The following VEGFA variants were observed in gnomAD, a reference collection of about 807,000 sequenced individuals.
VEGFA encodes vascular endothelial growth factor A, long form.
In VEGFA, 20 loss-of-function variants were observed where a neutral mutation model predicts 49.7. The observed-to-expected ratio is 0.40, with a 90% CI of 0.28 to 0.58. VEGFA has a LOEUF of 0.58. Among genes scored for constraint, VEGFA ranks in the 20% least tolerant of loss-of-function variants. The pLI is 0.40. For synonymous variants in VEGFA, 219 were observed against 223.4 expected, an observed-to-expected ratio of 0.98 and a Z score of 0.18; for missense variants, 505 against 553.5, an observed-to-expected ratio of 0.91 and a Z score of 0.88.
intron 1 of VEGFA, chr6:43,771,971 G>A (rs1167906308): frequency 1.0e-6 from 1 of 982,256 alleles, no homozygotes; most frequent in Non-Finnish European, 1.2e-6. Flanking sequence ...GCGCGGCGCG[G>A]AGCCGATTAC....
At chr6:43,782,485 G>T (rs1435168720) in intron 7 of VEGFA, 8 of 329,136 alleles carry the variant, frequency 2.4e-5, no homozygotes, top group South Asian at 2.0e-4. Flanking sequence ...TGTGGACAAT[G>T]TCAACAAAGC....
chr6:43,774,747 A>G, intron 2 of VEGFA: 1 of 437,072 alleles, frequency 2.3e-6, no homozygotes, highest in Non-Finnish European at 4.3e-6. Flanking sequence ...GTGGACATTT[A>G]GTGTCATTTC....
Position 43,782,108 on chromosome 6 carries a change from C to G in VEGFA, c.1166+21C>G, listed in dbSNP as rs781217984. On this transcript the variant is annotated intron_variant, in intron 7 of 7. Transcript: ENST00000672860. ...TGCAGGTTGGTTCCCAGAGGGCAAG[C>G]AAGTCAGAGAGGGGCATCACACAGA... The G allele has an allele frequency of 2.5e-6, 4 of 1,612,156 alleles. No homozygotes were observed. The South Asian group carries it at 4.4e-5, about 18-fold the overall frequency.
chr6:43,780,997 C>T, intron 6 of VEGFA, 194 bp downstream of exon 6: 2 of 1,412,572 alleles, frequency 1.4e-6, no homozygotes, highest in Non-Finnish European at 9.8e-7. Flanking sequence ...GGTGGCATTG[C>T]TGGTCCAGGG....
In VEGFA at chr6:43,777,748, TG is replaced by T; in HGVS notation, c.855+85del. The T allele has an allele frequency of 1.4e-6, 2 of 1,422,956 alleles. No individual in the cohort carries two copies. Among genetic ancestry groups the T allele is most frequent in the Non-Finnish European group, 1.9e-6 (2 of 1,052,080 alleles). The allele number at this position is 1,422,956 out of a possible 1,614,324, so 88.1% of individuals were successfully genotyped here. ...GAACAGGTGGTCCCAGGTCGTTTCC[TG>T]GCTAGATTTGCCTTGTCTGGCTCCT... is the stretch of plus-strand genomic sequence containing the variant. On this transcript the variant is annotated intron_variant, in intron 3 of 7. Transcript: ENST00000672860. This position sits in a 1 kb window ranked among gnomAD's most constrained non-coding sequence, Gnocchi z 4.3.
At chr6:43,779,226 C>T (rs1377508214) in intron 5 of VEGFA, 2 of 528,246 alleles carry the variant, frequency 3.8e-6, no homozygotes, top group African/African-American at 3.8e-5. Context: ...GACACTGGCT[C>T]ACTGGCTTGC....
In VEGFA at chr6:43,780,981, T is replaced by C. The variant is rs1582521118; in HGVS notation, c.1034+178T>C. The C allele has an allele frequency of 6.0e-6, 9 of 1,502,230 alleles. No individual in the cohort carries two copies. In the East Asian group the frequency reaches 1.8e-4, roughly 31 times the overall value. 93.1% of individuals were successfully genotyped at this position (1,502,230 alleles called of 1,614,324 possible). A position where few individuals can be genotyped will look rare whatever the true frequency, so the allele number is the denominator to read the frequency against. ...CCACTAATTGGCACCAACGGGTAGA[T>C]TTGGTGGTGGCATTGCTGGTCCAGG... On this transcript the variant is annotated intron_variant, in intron 6 of 7. Coordinates refer to ENST00000672860, the MANE Select transcript of VEGFA (RefSeq NM_003376.6).
Position 43,777,469 on chromosome 6 carries a change from T to C in VEGFA, c.659T>C (p.Val220Ala), listed in dbSNP as rs763677053. ...TCATGTGTCATCGCCTCTCATGCAG[T>C]GGTGAAGTTCATGGATGTCTATCAG... The change falls in exon 3 of 8, where the codon GTG (valine) becomes GCG (alanine). Residue 220 changes from valine to alanine, a missense_variant and splice_region_variant. Physicochemically the swap from Val to Ala is moderately conservative, Grantham distance 64. Coordinates refer to ENST00000672860, the MANE Select transcript of VEGFA (RefSeq NM_003376.6). The surrounding 1 kb of genome is among the most constrained non-coding windows in gnomAD (Gnocchi z 4.3). 1.7e-5 allele frequency: 27 copies of C among 1,613,790 alleles called. No individual in the cohort carries two copies. The highest frequency in any genetic ancestry group is 2.1e-5 in the Non-Finnish European group (25 of 1,180,030).
chr6:43,782,225 C>T, intron 7 of VEGFA, 138 bp downstream of exon 7: 2 of 1,306,832 alleles, frequency 1.5e-6, no homozygotes, highest in Non-Finnish European at 2.1e-6. Context: ...TTCTAGCTGC[C>T]TGCCTGGTGA....
intron 5 of VEGFA, 179 bp from the exon 6 acceptor site, chr6:43,780,553 A>G (rs1767169403): frequency 1.3e-6 from 1 of 790,316 alleles, no homozygotes; most frequent in East Asian, 2.7e-5. Flanking sequence ...CTGCCCAGAC[A>G]CGCCTGTGTG....
At position 43,773,995 on chromosome 6, in the gene VEGFA, G is replaced by A. The variant is rs1764463607; in HGVS notation, c.607-346G>A. On this transcript the variant is annotated intron_variant, in intron 1 of 7. Coordinates refer to ENST00000672860, the MANE Select transcript of VEGFA (RefSeq NM_003376.6). The surrounding 1 kb of genome is among the most constrained non-coding windows in gnomAD (Gnocchi z 5.6). The stretch of plus-strand genomic sequence containing the variant: ...AATACTTACCATGGCTTTGGACCAG[G>A]GAACTAGGGGGATAGTGAGAGCAGG... 2.5e-6 allele frequency: 1 copy of A among 395,102 alleles called. No individual in the cohort carries two copies. Among genetic ancestry groups the A allele is most frequent in the Non-Finnish European group, 4.8e-6 (1 of 209,126 alleles). 24.5% of individuals were successfully genotyped at this position (395,102 alleles called of 1,614,324 possible). A position where few individuals can be genotyped will look rare whatever the true frequency, so the allele number is the denominator to read the frequency against.
intron 6 of VEGFA, 79 bp from the exon 7 acceptor site, chr6:43,781,877 G>C: frequency 4.4e-6 from 7 of 1,582,034 alleles, no homozygotes; most frequent in Non-Finnish European, 6.0e-6. Flanking sequence ...GACATGTTAG[G>C]GGGTGTTGCA....
chr6:43,784,072 C>T (rs903539988), intron 7 of VEGFA: 4 of 223,774 alleles, frequency 1.8e-5, no homozygotes, highest in South Asian at 6.8e-5. Flanking sequence ...CTGCCTCAGG[C>T]GTTCTCCCAG....
rs776522854 is a variant in VEGFA, at chr6:43,782,012, C to T, written c.1091C>T (p.Thr364Met). 8 of 1,614,084 alleles carry T rather than the reference C, an allele frequency of 5.0e-6. No homozygotes were observed. Among genetic ancestry groups the T allele is most frequent in the Middle Eastern group, 1.6e-4 (1 of 6,062 alleles). ...CATTTGTTTGTACAAGATCCGCAGA[C>T]GTGTAAATGTTCCTGCAAAAACACA... The change falls in exon 7 of 8, where the codon ACG becomes ATG. Residue 364 changes from threonine (T) to methionine (M), a missense_variant. Thr to Met is a moderately conservative substitution (Grantham distance 81). Coordinates refer to ENST00000672860, the MANE Select transcript of VEGFA (RefSeq NM_003376.6).
chr6:43,786,093 T>C lies in VEGFA; in HGVS notation c.*1531T>C, dbSNP rs181069410. 4.4e-5 allele frequency: 8 copies of C among 180,644 alleles called. No homozygotes were observed. Among genetic ancestry groups the C allele is most frequent in the African/African-American group, 1.6e-4 (7 of 42,504 alleles). The allele number at this position is 180,644 out of a possible 1,614,324, so 11.2% of individuals were successfully genotyped here. A position where few individuals can be genotyped will look rare whatever the true frequency, so the allele number is the denominator to read the frequency against. On this transcript the variant is annotated 3_prime_UTR_variant, in exon 8 of 8. Coordinates refer to ENST00000672860, the MANE Select transcript of VEGFA (RefSeq NM_003376.6). Reference sequence around the variant, plus strand: ...GCACACATTCCTTTGAAATAAGGTTTCAATATACATCTACATACTATATAT... The same window carrying C: ...GCACACATTCCTTTGAAATAAGGTTCCAATATACATCTACATACTATATAT...
In VEGFA at chr6:43,786,143, G is replaced by GTA. The variant is rs34241255; in HGVS notation, c.*1597_*1598dup. The GTA allele has an allele frequency of 0.01, 1,785 of 170,496 alleles. 15 individuals are homozygous for GTA. Among genetic ancestry groups the GTA allele is most frequent in the African/African-American group, 0.025 (1,016 of 40,964 alleles). 10.6% of individuals were successfully genotyped at this position (170,496 alleles called of 1,614,324 possible). Reference sequence around the variant, plus strand: ...TATATTTGGCAACTTGTATTTGTGTGTATATATATATATATATGTTTATGT... The same window carrying GTA: ...TATATTTGGCAACTTGTATTTGTGTGTATATATATATATATATATGTTTATGT... On this transcript the variant is annotated 3_prime_UTR_variant, in exon 8 of 8. Coordinates refer to ENST00000672860, the MANE Select transcript of VEGFA (RefSeq NM_003376.6).
intron 1 of VEGFA, among the ~76,000 whole-genome samples, chr6:43,772,909 C>A (rs1764088680): frequency 6.6e-6 from 1 of 152,188 alleles, no homozygotes; most frequent in Non-Finnish European, 1.5e-5. Flanking sequence ...GGACACCTGG[C>A]CCCTGCCTGC....
chr6:43,783,992 G>A lies in VEGFA; in HGVS notation c.1167-549G>A, dbSNP rs374634124. 25 of 183,224 alleles carry A rather than the reference G, an allele frequency of 1.4e-4. No individual in the cohort carries two copies. In the East Asian group the frequency reaches 1.4e-3, roughly 11 times the overall value. 11.3% of individuals were successfully genotyped at this position (183,224 alleles called of 1,614,324 possible). On this transcript the variant is annotated intron_variant, in intron 7 of 7. Coordinates refer to ENST00000672860, the MANE Select transcript of VEGFA (RefSeq NM_003376.6). ...ACCTTCCTGGGGCCTCCTGCTCTAC[G>A]CTACCCCCTCGGGAGCCTCCTGTCC...
intron 7 of VEGFA, chr6:43,783,980 C>G: frequency 1.2e-5 from 2 of 171,818 alleles, no homozygotes; most frequent in South Asian, 2.7e-4. Flanking sequence ...TTCCTGGGGC[C>G]TCCTGCTCTA....
Sources: gnomAD v4.1 joint callset for allele counts (sites outside exome capture counted in the v4.1 genomes callset) on GRCh38, gnomAD v4.1.1 for gene constraint, Gnocchi (gnomAD v3.1) non-coding constraint, MANE v1.5 for transcripts, NCBI Gene and HGNC (gene_info 2026-07-23, HGNC 2026-07-21) for gene names.